Variants in FHIT observed in about 807,000 individuals in gnomAD.
FHIT encodes bis(5'-adenosyl)-triphosphatase.
A neutral mutation model predicts 17.9 loss-of-function variants in FHIT; 19 were observed. That is an observed-to-expected ratio of 1.06 (90% CI 0.74 to 1.56). FHIT has a LOEUF of 1.56. Ranked by LOEUF, FHIT falls within the 40% of genes most tolerant of loss-of-function variation. The probability of loss-of-function intolerance (pLI) is 0.00; values close to 1 mark genes in which losing one functional copy is unlikely to be tolerated. For synonymous variants in FHIT, 81 were observed against 69.7 expected (o/e 1.16, Z -0.81); for missense variants, 248 against 189.2 (o/e 1.31, Z -1.82).
intron 8 of FHIT, among the ~76,000 whole-genome samples, chr3:59,766,203 A>G (rs1220554548): frequency 1.3e-5 from 2 of 152,252 alleles, no homozygotes; most frequent in Non-Finnish European, 1.5e-5. Flanking sequence ...ATCATTAAAC[A>G]TAACTACTTA....
At chr3:59,946,916 G>C (rs982288906) in intron 7 of FHIT, among the ~76,000 whole-genome samples, 1 of 152,300 alleles carries the variant, frequency 6.6e-6, no homozygotes, top group South Asian at 2.1e-4. Flanking sequence ...CAGTTTGCTA[G>C]TATTTGGTTG....
At chr3:60,001,473 A>G (rs1166258434) in intron 7 of FHIT, among the ~76,000 whole-genome samples, 3 of 152,184 alleles carry the variant, frequency 2.0e-5, no homozygotes, top group African/African-American at 7.2e-5. Flanking sequence ...CCAGATAGAA[A>G]AACATGAGTA....
intron 4 of FHIT, among the ~76,000 whole-genome samples, chr3:60,687,783 C>T (rs2040891492): frequency 6.6e-6 from 1 of 152,100 alleles, no homozygotes; most frequent in African/African-American, 2.4e-5. Context: ...CTACTTCCAT[C>T]AATTTTTCCT....
At chr3:60,210,430 A>G (rs1392220333) in intron 5 of FHIT, among the ~76,000 whole-genome samples, 2 of 152,208 alleles carry the variant, frequency 1.3e-5, no homozygotes, top group Non-Finnish European at 2.9e-5. Context: ...TCCCAAAGTA[A>G]TAAGGAAAAA....
At chr3:60,880,203 A>G (rs1704894078) in intron 3 of FHIT, among the ~76,000 whole-genome samples, 1 of 152,234 alleles carries the variant, frequency 6.6e-6, no homozygotes, top group Non-Finnish European at 1.5e-5. Flanking sequence ...CTTATAGACC[A>G]GGAAAGAACA....
At chr3:60,619,211 G>A (rs1238620889) in intron 4 of FHIT, among the ~76,000 whole-genome samples, 4 of 152,104 alleles carry the variant, frequency 2.6e-5, no homozygotes, top group African/African-American at 9.6e-5. Flanking sequence ...GCTATCTACT[G>A]TTCTAGAATC....
At chr3:59,964,204 ATATAT>A (rs1707817982) in intron 7 of FHIT, among the ~76,000 whole-genome samples, 1 of 152,166 alleles carries the variant, frequency 6.6e-6, no homozygotes, top group African/African-American at 2.4e-5. Flanking sequence ...AAAGGCTCAA[ATATAT>A]TATACTAAAA....
At chr3:61,216,247 G>C (rs954453906) in intron 1 of FHIT, among the ~76,000 whole-genome samples, 1 of 152,158 alleles carries the variant, frequency 6.6e-6, no homozygotes, top group Admixed American at 6.5e-5. Context: ...CTACTCATTT[G>C]ACAAAGGGCT....
chr3:59,844,223 T>A (rs1217662407), intron 8 of FHIT, among the ~76,000 whole-genome samples: 2 of 152,170 alleles, frequency 1.3e-5, no homozygotes, highest in African/African-American at 4.8e-5. Flanking sequence ...AATGGAAGAA[T>A]AGCCTAATAC....
chr3:60,617,126 C>G, intron 4 of FHIT: 2 of 219,048 alleles, frequency 9.1e-6, no homozygotes, highest in Non-Finnish European at 2.0e-5. Flanking sequence ...TTTCTTCGTT[C>G]CAAAGGAGCT....
At chr3:60,581,900 A>C (rs2037759648) in intron 4 of FHIT, among the ~76,000 whole-genome samples, 2 of 152,092 alleles carry the variant, frequency 1.3e-5, no homozygotes, top group Non-Finnish European at 2.9e-5. Context: ...TTGGATCAGT[A>C]AATTTCCCTG....
chr3:60,878,313 C>T (rs1704768275), intron 3 of FHIT, among the ~76,000 whole-genome samples: 1 of 152,080 alleles, frequency 6.6e-6, no homozygotes, highest in East Asian at 1.9e-4. Context: ...ACCCTGACTC[C>T]ATAGCCACTT....
intron 5 of FHIT, among the ~76,000 whole-genome samples, chr3:60,174,621 T>C (rs1701583264): frequency 6.6e-6 from 1 of 152,016 alleles, no homozygotes. Flanking sequence ...TATAAATCTA[T>C]TTGCTTTCAA....
intron 5 of FHIT, among the ~76,000 whole-genome samples, chr3:60,534,355 C>G (rs1655279330): frequency 7.1e-6 from 1 of 141,048 alleles, no homozygotes; most frequent in African/African-American, 2.6e-5. Flanking sequence ...ATGGCGTGAA[C>G]CCGGGAAGCG....
chr3:61,059,201 T>C (rs538567502), intron 2 of FHIT, among the ~76,000 whole-genome samples: 21 of 152,310 alleles, frequency 1.4e-4, no homozygotes, highest in African/African-American at 4.8e-4. Flanking sequence ...TCGTAAATGG[T>C]AAATGAAACA....
At chr3:60,619,862 T>G in intron 4 of FHIT, among the ~76,000 whole-genome samples, 1 of 152,128 alleles carries the variant, frequency 6.6e-6, no homozygotes, top group East Asian at 1.9e-4. Context: ...TATAAGACAC[T>G]GTCAACTGAG....
chr3:60,564,936 T>C (rs1206735110), intron 4 of FHIT, among the ~76,000 whole-genome samples: 1 of 152,142 alleles, frequency 6.6e-6, no homozygotes, highest in Non-Finnish European at 1.5e-5. Context: ...TTAAATAGCA[T>C]TACATTCTAC....
chr3:61,077,139 T>C (rs1575970122), intron 2 of FHIT, among the ~76,000 whole-genome samples: 2 of 152,094 alleles, frequency 1.3e-5, no homozygotes, highest in South Asian at 2.1e-4. Context: ...GATGGAAGGA[T>C]AAATGAAGAA....
chr3:60,212,617 A>T (rs116633130), intron 5 of FHIT, among the ~76,000 whole-genome samples: 1 of 152,204 alleles, frequency 6.6e-6, no homozygotes, highest in Non-Finnish European at 1.5e-5. Flanking sequence ...TTTAAGCACT[A>T]AAATAACAAT....
Sources: allele counts gnomAD v4.1 joint callset (sites outside exome capture counted in the v4.1 genomes callset), GRCh38; gene constraint gnomAD v4.1.1; transcripts MANE v1.5; gene names NCBI Gene and HGNC (gene_info 2026-07-23, HGNC 2026-07-21).